MTO1: variants seen among roughly 807,000 people sequenced by gnomAD.
MTO1 encodes 5-taurinomethyluridine-[tRNA] synthase subunit MTO1, mitochondrial.
A neutral mutation model predicts 71.6 loss-of-function variants in MTO1; 46 were observed. The observed-to-expected ratio is 0.64, with a 90% CI of 0.51 to 0.82. MTO1 has a LOEUF of 0.82. Among genes scored for constraint, MTO1 ranks in the 40% least tolerant of loss-of-function variants. The probability of loss-of-function intolerance (pLI) is 0.00; values close to 1 mark genes in which losing one functional copy is unlikely to be tolerated. For synonymous variants in MTO1, 297 were observed against 312.1 expected, an observed-to-expected ratio of 0.95 and a Z score of 0.51; for missense variants, 773 against 867.5, an observed-to-expected ratio of 0.89 and a Z score of 1.37.
intron 1 of MTO1, among the ~76,000 whole-genome samples, chr6:73,463,828 C>A (rs1310621844): frequency 6.6e-6 from 1 of 152,082 alleles, no homozygotes; most frequent in Admixed American, 6.6e-5. Flanking sequence ...GCAACCTCCA[C>A]CTCCCGGGTT....
Position 73,462,063 on chromosome 6 carries a change from A to G in MTO1, c.209A>G (p.Asp70Gly). The G allele has an allele frequency of 4.3e-6, 7 of 1,613,506 alleles. No homozygotes were observed. Among genetic ancestry groups the G allele is most frequent in the Non-Finnish European group, 5.9e-6 (7 of 1,179,778 alleles). ...SRTLLLTHRV[D>G]TIGQMSCNPS... ...ACTCTGCTCCTCACTCACCGCGTGG[A>G]CACGATCGGTGAGGAGCGCGGGTGC... The change falls in exon 1 of 12, where the codon GAC (aspartate) becomes GGC (glycine). Residue 70 changes from aspartate to glycine, a missense_variant. By Grantham distance (94) the Asp-to-Gly change is moderately conservative (BLOSUM62 -1). Coordinates refer to ENST00000498286, the MANE Select transcript of MTO1 (RefSeq NM_012123.4).
rs551073016 is a variant in MTO1, at chr6:73,478,036, G to A, written c.826-1696G>A. Among the ~76,000 whole-genome samples, 22 of 148,966 alleles carry A rather than the reference G, an allele frequency of 1.5e-4. No homozygotes were observed. In the South Asian group the frequency reaches 2.4e-3, roughly 16 times the overall value. On this transcript the variant is annotated intron_variant, in intron 4 of 11. Transcript: ENST00000498286. ...GAGGCCAAGGCAGGTGGATCACAAG[G>A]TCAAAAGATTGAGACCATCCTGGCC...
intron 10 of MTO1, among the ~76,000 whole-genome samples, chr6:73,493,888 T>A (rs1771907205): frequency 6.6e-6 from 1 of 152,156 alleles, no homozygotes; most frequent in African/African-American, 2.4e-5. Context: ...CAGGTGTCTC[T>A]GGTAGTTGCT....
rs746379899 is a variant in MTO1 at position 73,481,017 on chromosome 6, C to T, written c.1260+212C>T. The T allele has an allele frequency of 1.0e-5, 5 of 486,802 alleles. No homozygotes were observed. The South Asian group carries it at 1.1e-4, about 10-fold the overall frequency. The allele number at this position is 486,802 out of a possible 1,614,324, so 30.2% of individuals were successfully genotyped here. On this transcript the variant is annotated intron_variant, in intron 7 of 11. Transcript: ENST00000498286. ...TTGAGACAGAGTGTTGCTCTGTTGC[C>T]AGGCTGGAGTGCAGTGATATGATCT...
chr6:73,482,679 C>T, intron 9 of MTO1, 59 bp downstream of exon 9: 1 of 1,393,982 alleles, frequency 7.2e-7, no homozygotes, highest in Admixed American at 2.2e-5. Flanking sequence ...ATCATAAGAT[C>T]ATTTCATAGA....
intron 3 of MTO1, among the ~76,000 whole-genome samples, chr6:73,467,695 G>C (rs1434272491): frequency 6.6e-6 from 1 of 152,030 alleles, no homozygotes; most frequent in Non-Finnish European, 1.5e-5. Flanking sequence ...CTTCCCTGGA[G>C]ACAGACACTT....
At chr6:73,489,878 T>C (rs1490834303) in intron 9 of MTO1, among the ~76,000 whole-genome samples, 1 of 152,218 alleles carries the variant, frequency 6.6e-6, no homozygotes, top group African/African-American at 2.4e-5. Flanking sequence ...CCTTCCACAA[T>C]GGTTAAACTA....
Position 73,473,591 on chromosome 6 carries a change from C to T in MTO1, c.762C>T (p.Asn254=), listed in dbSNP as rs1771216320. The T allele has an allele frequency of 6.2e-7, 1 of 1,613,890 alleles. No individual in the cohort carries two copies. Among genetic ancestry groups the T allele is most frequent in the African/African-American group, 1.3e-5 (1 of 74,980 alleles). The part of the protein sequence containing the change: ...AKESINFSIL[N]KHIPDNPSIP... ...AGTCCATTAATTTCAGTATTCTAAA[C>T]AAGCATATACCGGACAATCCATCCA... The change falls in exon 4 of 12, where the codon AAC becomes AAT. Residue 254 remains asparagine, a synonymous_variant. Coordinates refer to ENST00000498286, the MANE Select transcript of MTO1 (RefSeq NM_012123.4).
intron 11 of MTO1, among the ~76,000 whole-genome samples, chr6:73,500,134 G>A (rs558484859): frequency 2.8e-4 from 42 of 152,242 alleles, no homozygotes; most frequent in African/African-American, 9.9e-4. Context: ...TGAGAGGCTA[G>A]TACTACAAGT....
chr6:73,491,306 C>T (rs557271948), intron 9 of MTO1, among the ~76,000 whole-genome samples: 3 of 150,224 alleles, frequency 2.0e-5, no homozygotes, highest in Non-Finnish European at 4.4e-5. Flanking sequence ...ATGAACCAGC[C>T]GGGCACAGTA....
At chr6:73,494,462 G>T (rs954827036) in intron 10 of MTO1, among the ~76,000 whole-genome samples, 1 of 151,172 alleles carries the variant, frequency 6.6e-6, no homozygotes, top group African/African-American at 2.4e-5. Context: ...TCTAGCAGTG[G>T]CATTTTCTTT....
chr6:73,495,774 T>G (rs1771962842), intron 10 of MTO1, among the ~76,000 whole-genome samples: 1 of 152,182 alleles, frequency 6.6e-6, no homozygotes, highest in Non-Finnish European at 1.5e-5. Flanking sequence ...ATATATTTCA[T>G]GATACCTTGA....
intron 10 of MTO1, 103 bp downstream of exon 10, chr6:73,492,455 G>C: frequency 1.3e-6 from 1 of 762,688 alleles, no homozygotes; most frequent in South Asian, 1.6e-5. Context: ...GTTAGCTTCT[G>C]TGCTTTTCAA....
In MTO1 at chr6:73,461,879, C is replaced by G. The variant is rs763245762; in HGVS notation, c.25C>G (p.Arg9Gly). MFYFRGCG[R>G]WVAVSFTKQQ... ...CATGTTCTACTTCCGAGGCTGTGGC[C>G]GTTGGGTCGCGGTTTCCTTCACCAA... The change falls in exon 1 of 12, where the codon CGT becomes GGT. Residue 9 changes from arginine (R) to glycine (G), a missense_variant. By Grantham distance (125) the Arg-to-Gly change is moderately radical. Coordinates refer to ENST00000498286, the MANE Select transcript of MTO1 (RefSeq NM_012123.4). The G allele has an allele frequency of 2.5e-6, 4 of 1,613,888 alleles. No homozygotes were observed. Among genetic ancestry groups the G allele is most frequent in the Non-Finnish European group, 3.4e-6 (4 of 1,179,734 alleles).
rs547220548 is a variant in MTO1 at position 73,496,778 on chromosome 6, G to A, written c.1757-958G>A. Among the ~76,000 whole-genome samples the A allele has an allele frequency of 2.4e-3, 367 of 151,984 alleles. 1 individual carries two copies. Among genetic ancestry groups the A allele is most frequent in the African/African-American group, 7.7e-3 (320 of 41,452 alleles). ...TTAGAGAAGTAGCTTATCTCAGCCG[G>A]GCATGGTGGCTCATGCCTATAATCC... On this transcript the variant is annotated intron_variant, in intron 10 of 11. Coordinates refer to ENST00000498286, the MANE Select transcript of MTO1 (RefSeq NM_012123.4).
At chr6:73,488,533 T>C in intron 9 of MTO1, among the ~76,000 whole-genome samples, 1 of 152,182 alleles carries the variant, frequency 6.6e-6, no homozygotes, top group Non-Finnish European at 1.5e-5. Context: ...CCATTTCAGA[T>C]ATATGATTTA....
chr6:73,463,001 T>G (rs1260125466), intron 1 of MTO1, among the ~76,000 whole-genome samples: 1 of 151,434 alleles, frequency 6.6e-6, no homozygotes, highest in East Asian at 1.9e-4. Context: ...TGTGATGCCT[T>G]TTGGAAGAAC....
chr6:73,480,746 C>T lies in MTO1; in HGVS notation c.1201C>T (p.Arg401Ter), dbSNP rs775623164. 2.6e-5 allele frequency: 42 copies of T among 1,613,858 alleles called. No homozygotes were observed. Among genetic ancestry groups the T allele is most frequent in the African/African-American group, 1.2e-4 (9 of 74,890 alleles). The part of the protein sequence containing the change: ...TPSLETHLVQ[R>*]LFFAGQINGT... ...TTCCTTGGAGACTCATTTGGTTCAA[C>T]GACTCTTCTTTGCTGGACAGATCAA... The change falls in exon 7 of 12, where the codon CGA becomes TGA. Residue 401 changes from arginine to a stop codon, truncating the protein, a stop_gained. Coordinates refer to ENST00000498286, the MANE Select transcript of MTO1 (RefSeq NM_012123.4). LOFTEE classifies it high-confidence loss of function.
rs1235728877 is a variant in MTO1, at chr6:73,500,658, C to T, written c.2002C>T (p.Gln668Ter). 1.9e-6 allele frequency: 3 copies of T among 1,613,954 alleles called. No individual in the cohort carries two copies. The highest frequency in any genetic ancestry group is 3.3e-5 in the Admixed American group (2 of 59,990). ...ATTTGTGAAGACCACTCAACGAAGA[C>T]AGTCGGCTATGAATGAATCATCCAA... ...LRFVKTTQRR[Q>*]SAMNESSKTD... The change falls in exon 12 of 12, where the codon CAG becomes TAG. Residue 668 changes from glutamine (Q) to a stop codon, truncating the protein, a stop_gained. Coordinates refer to ENST00000498286, the MANE Select transcript of MTO1 (RefSeq NM_012123.4). LOFTEE classifies it low-confidence loss of function (END_TRUNC).
Sources: gnomAD v4.1 joint callset for allele counts (sites outside exome capture counted in the v4.1 genomes callset) on GRCh38, gnomAD v4.1.1 for gene constraint, MANE v1.5 for transcripts, NCBI Gene and HGNC (gene_info 2026-07-23, HGNC 2026-07-21) for gene names.